NEBL: variants seen among roughly 807,000 people sequenced by gnomAD.
The protein encoded by NEBL is nebulette.
Under a neutral mutation model 140.2 loss-of-function variants are expected in NEBL, and 122 were observed. The ratio of observed to expected loss-of-function variants is 0.87; its 90% CI spans 0.75 to 1.01. NEBL has a LOEUF of 1.01. NEBL is among the 50% of genes least tolerant of loss of function. The pLI is 0.00. For synonymous variants in NEBL, 436 were observed against 398.9 expected, an observed-to-expected ratio of 1.09 and a Z score of -1.11; for missense variants, 1,365 against 1,231.3, an observed-to-expected ratio of 1.11 and a Z score of -1.62.
chr10:20,812,904 T>TC lies in NEBL; in HGVS notation c.2382dup (p.Arg795GlufsTer28), dbSNP rs746790095. ...TCGTCCACGACGGGAGTAAAGCCTC[T>TC]CCCCTTTGTTTTTTCAAAATCTTCA... On this transcript the variant is annotated frameshift_variant, in exon 24 of 28. Coordinates refer to ENST00000377122, the MANE Select transcript of NEBL (RefSeq NM_006393.3). LOFTEE classifies it high-confidence loss of function. The TC allele has an allele frequency of 6.2e-7, 1 of 1,613,902 alleles. No homozygotes were observed. The highest frequency in any genetic ancestry group is 8.5e-7 in the Non-Finnish European group (1 of 1,179,886).
intron 24 of NEBL, among the ~76,000 whole-genome samples, chr10:20,810,178 GACCCATC>G (rs936666808): frequency 1.1e-4 from 16 of 152,072 alleles, no homozygotes; most frequent in African/African-American, 3.6e-4. Flanking sequence ...AAGTACCTGT[GACCCATC>G]ACACAACACA....
intron 3 of NEBL, among the ~76,000 whole-genome samples, chr10:20,994,156 T>C (rs561762993): frequency 6.6e-6 from 1 of 152,240 alleles, no homozygotes; most frequent in Non-Finnish European, 1.5e-5. Context: ...AGCTAAATCA[T>C]GTTTTCTCAC....
At chr10:21,221,561 C>T (rs901074186) in intron 3 of NEBL, among the ~76,000 whole-genome samples, 1 of 151,814 alleles carries the variant, frequency 6.6e-6, no homozygotes, top group Non-Finnish European at 1.5e-5. Flanking sequence ...CTGGAGTGCA[C>T]TGGCCCGATC....
chr10:21,259,276 C>T (rs907378563), intron 1 of NEBL, among the ~76,000 whole-genome samples: 6 of 152,030 alleles, frequency 3.9e-5, no homozygotes, highest in Middle Eastern at 3.4e-3. Flanking sequence ...GTAGTACAGA[C>T]GGAGTTTCAC....
chr10:20,834,047 T>C (rs789000), intron 14 of NEBL, among the ~76,000 whole-genome samples: 17,252 of 152,282 alleles, frequency 0.11, 1,224 homozygotes, highest in Middle Eastern at 0.16. Context: ...GATCCCATTA[T>C]ACATTTCCCT....
At chr10:21,245,276 A>G (rs571971994) in intron 3 of NEBL, among the ~76,000 whole-genome samples, 1 of 152,374 alleles carries the variant, frequency 6.6e-6, no homozygotes, top group East Asian at 1.9e-4. Context: ...AAACACCTGT[A>G]GAAACAGTGA....
At chr10:21,044,397 T>TAAAA (rs57176129) in intron 2 of NEBL, among the ~76,000 whole-genome samples, 6,926 of 34,890 alleles carry the variant, frequency 0.2, 2,303 homozygotes, top group Non-Finnish European at 0.24. Flanking sequence ...AGAGTAAGAA[T>TAAAA]AAAAAAAAAA....
At chr10:20,970,451 C>A (rs1188747875) in intron 3 of NEBL, among the ~76,000 whole-genome samples, 1 of 151,832 alleles carries the variant, frequency 6.6e-6, no homozygotes, top group Non-Finnish European at 1.5e-5. Context: ...CCAGCCTGGG[C>A]AACACAGTGA....
chr10:20,865,125 A>G (rs1038045771), intron 7 of NEBL, among the ~76,000 whole-genome samples: 2 of 152,194 alleles, frequency 1.3e-5, no homozygotes, highest in African/African-American at 2.4e-5. Flanking sequence ...AGGGCTCTCA[A>G]ATAGGATTGT....
At chr10:20,993,673 T>C (rs957466030) in intron 3 of NEBL, among the ~76,000 whole-genome samples, 2 of 152,172 alleles carry the variant, frequency 1.3e-5, no homozygotes, top group Non-Finnish European at 2.9e-5. Flanking sequence ...CAAAGCCCAT[T>C]GGCTGGCAAG....
At chr10:20,904,129 T>A (rs1052757932) in intron 4 of NEBL, among the ~76,000 whole-genome samples, 3 of 152,176 alleles carry the variant, frequency 2.0e-5, no homozygotes, top group Non-Finnish European at 4.4e-5. Flanking sequence ...TCTCAAAGTA[T>A]CTTCTGCTGT....
intron 17 of NEBL, among the ~76,000 whole-genome samples, chr10:20,827,454 A>G (rs1317020563): frequency 2.0e-5 from 3 of 152,218 alleles, no homozygotes; most frequent in Non-Finnish European, 4.4e-5. Context: ...GAGGTAGGAA[A>G]TATTCCAGAA....
chr10:20,985,415 T>C (rs907994160), intron 3 of NEBL, among the ~76,000 whole-genome samples: 1 of 152,222 alleles, frequency 6.6e-6, no homozygotes, highest in African/African-American at 2.4e-5. Flanking sequence ...TCAAAAAATA[T>C]TTTTTAGTCA....
rs147151061 is a variant in NEBL at position 20,821,411 on chromosome 10, T to C, written c.1962+1797A>G. Among the ~76,000 whole-genome samples, 18 of 152,328 alleles carry C rather than the reference T, an allele frequency of 1.2e-4. No individual in the cohort carries two copies. The East Asian group carries it at 3.5e-3, about 29-fold the overall frequency. On this transcript the variant is annotated intron_variant, in intron 19 of 27. Transcript: ENST00000377122. Reference sequence around the variant, plus strand: ...CCAACAGTCCAGGATCCAGGGTTCATGTTCTTTTCCACCACTTGAGTGTTA... The same window carrying C: ...CCAACAGTCCAGGATCCAGGGTTCACGTTCTTTTCCACCACTTGAGTGTTA...
chr10:20,861,035 A>C (rs1843645854), intron 7 of NEBL, among the ~76,000 whole-genome samples: 1 of 151,930 alleles, frequency 6.6e-6, no homozygotes, highest in African/African-American at 2.4e-5. Context: ...AATCAGCAAG[A>C]ACTCTTTAAA....
At chr10:20,796,865 C>G (rs886426826) in intron 26 of NEBL, among the ~76,000 whole-genome samples, 2 of 152,160 alleles carry the variant, frequency 1.3e-5, no homozygotes, top group African/African-American at 4.8e-5. Context: ...AATAATTATT[C>G]TCATGGCACA....
At chr10:20,984,289 ATTAT>A (rs771026296) in intron 3 of NEBL, among the ~76,000 whole-genome samples, 2 of 152,208 alleles carry the variant, frequency 1.3e-5, no homozygotes, top group Non-Finnish European at 2.9e-5. Flanking sequence ...TAATAACAAA[ATTAT>A]TTGTTTCCAA....
intron 2 of NEBL, among the ~76,000 whole-genome samples, chr10:21,091,065 C>T (rs148321393): frequency 3.3e-4 from 50 of 152,278 alleles, no homozygotes; most frequent in Non-Finnish European, 5.7e-4. Context: ...AACTCCACCT[C>T]CTGAACCTCT....
At chr10:20,880,536 A>G (rs550707121) in intron 5 of NEBL, among the ~76,000 whole-genome samples, 2 of 152,278 alleles carry the variant, frequency 1.3e-5, no homozygotes, top group Admixed American at 6.5e-5. Flanking sequence ...TGATAACCCA[A>G]TAGGTCTGAA....
Sources: allele counts gnomAD v4.1 joint callset (sites outside exome capture counted in the v4.1 genomes callset), GRCh38; gene constraint gnomAD v4.1.1; transcripts MANE v1.5; gene names NCBI Gene and HGNC (gene_info 2026-07-23, HGNC 2026-07-21).